RIMBP2: variants seen among roughly 807,000 people sequenced by gnomAD.
RIMBP2 encodes RIMS binding protein 2, also known as RIMS-binding protein 2.
In RIMBP2, 48 loss-of-function variants were observed where a neutral mutation model predicts 118.6. That is an observed-to-expected ratio of 0.40 (90% confidence interval 0.32 to 0.51). The LOEUF is 0.51. RIMBP2 is among the 20% of genes least tolerant of loss of function. RIMBP2 has a pLI of 0.41. For synonymous variants in RIMBP2, 762 were observed against 742.9 expected, an observed-to-expected ratio of 1.03 and a Z score of -0.42; for missense variants, 1,551 against 1,768.3, an observed-to-expected ratio of 0.88 and a Z score of 2.20.
At chr12:130,526,975 G>A (rs1331098864) in intron 2 of RIMBP2, among the ~76,000 whole-genome samples, 1 of 152,056 alleles carries the variant, frequency 6.6e-6, no homozygotes, top group Non-Finnish European at 1.5e-5. Context: ...AGGAGAGAAG[G>A]AGAAACCACA....
intron 4 of RIMBP2, among the ~76,000 whole-genome samples, chr12:130,484,088 C>T (rs1463919258): frequency 6.6e-6 from 1 of 152,216 alleles, no homozygotes; most frequent in Non-Finnish European, 1.5e-5. Flanking sequence ...TCTCCAGAGT[C>T]TGCCGGCGAC....
chr12:130,715,304 G>T (rs1177380206), intron 1 of RIMBP2, among the ~76,000 whole-genome samples: 1 of 152,024 alleles, frequency 6.6e-6, no homozygotes, highest in South Asian at 2.1e-4. Flanking sequence ...CAGCACCCCC[G>T]CCTCCCCCGG....
intron 6 of RIMBP2, among the ~76,000 whole-genome samples, chr12:130,458,087 G>A (rs1239635972): frequency 9.2e-5 from 5 of 54,450 alleles, no homozygotes; most frequent in Admixed American, 3.5e-4. Flanking sequence ...CCCCTCCTCC[G>A]CCCCTCCTCT....
Position 130,424,970 on chromosome 12 carries a change from G to C in RIMBP2, c.2413-112C>G, listed in dbSNP as rs550530310. 22 of 544,034 alleles carry C rather than the reference G, an allele frequency of 4.0e-5. No homozygotes were observed. In the South Asian group the frequency reaches 9.1e-4, roughly 23 times the overall value. The allele number at this position is 544,034 out of a possible 1,614,324, so 33.7% of individuals were successfully genotyped here. On this transcript the variant is annotated intron_variant, in intron 15 of 22. Coordinates refer to ENST00000690449, the MANE Select transcript of RIMBP2 (RefSeq NM_001393629.1). The surrounding 1 kb of genome is among the most constrained non-coding windows in gnomAD (Gnocchi z 9.8). Reference sequence around the variant, plus strand: ...ACAGAATTAGTCCTGGAGGCACCGAGGGGGGGGAAGCATGCGTCTACTCAG... The same window carrying C: ...ACAGAATTAGTCCTGGAGGCACCGACGGGGGGGAAGCATGCGTCTACTCAG...
At position 130,437,038 on chromosome 12, in the gene RIMBP2, C is replaced by G. The variant is rs267603376; in HGVS notation, c.1910G>C (p.Arg637Thr). 1.9e-6 allele frequency: 3 copies of G among 1,580,194 alleles called. No homozygotes were observed. Among genetic ancestry groups the G allele is most frequent in the Non-Finnish European group, 2.6e-6 (3 of 1,160,594 alleles). Residue 637 changes from arginine (R) to threonine (T), a missense_variant, in exon 13 of 23, where the codon AGG (arginine) becomes ACG (threonine). Arg to Thr is a moderately conservative substitution (Grantham distance 71). Transcript: ENST00000690449. ...GCTCTGCTCCCAGGCCTCATCCATC[C>G]TGGCGTGGGGACCCAGGTGCTCGTC... ...TKDEHLGPHA[R>T]MDEAWEQSRA...
At chr12:130,451,089 G>C in intron 8 of RIMBP2, 106 bp downstream of exon 8, 1 of 1,283,852 alleles carries the variant, frequency 7.8e-7, no homozygotes, top group East Asian at 2.3e-5. Flanking sequence ...CCAGAAGGAA[G>C]ACAGGGAGGA....
chr12:130,646,393 CACCACCT>C lies in RIMBP2; in HGVS notation c.-351-17944_-351-17938del, dbSNP rs1566423364. Among the ~76,000 whole-genome samples, 29 of 141,124 alleles carry C rather than the reference CACCACCT, an allele frequency of 2.1e-4. 11 individuals carry two copies. The highest frequency in any genetic ancestry group is 2.8e-4 in the Non-Finnish European group (18 of 64,028). The allele number at this position is 141,124 out of a possible 152,430, so 92.6% of individuals were successfully genotyped here. A position where few individuals can be genotyped will look rare whatever the true frequency, so the allele number is the denominator to read the frequency against. ...TCACCACCTCCCTCACCACCTCCCT[CACCACCT>C]GCCTCTCCACCTCCCTCACCACTTC... On this transcript the variant is annotated intron_variant, in intron 1 of 22. Coordinates refer to ENST00000690449, the MANE Select transcript of RIMBP2 (RefSeq NM_001393629.1).
chr12:130,700,466 T>A (rs942097945), intron 1 of RIMBP2, among the ~76,000 whole-genome samples: 1 of 152,006 alleles, frequency 6.6e-6, no homozygotes, highest in African/African-American at 2.4e-5. Context: ...AGGTAGGAAT[T>A]CAGATGGGAT....
chr12:130,562,769 G>C (rs1395385597), intron 2 of RIMBP2, among the ~76,000 whole-genome samples: 2 of 152,184 alleles, frequency 1.3e-5, no homozygotes, highest in African/African-American at 2.4e-5. Context: ...TGTTTGGCAG[G>C]AATAAATGAA....
intron 2 of RIMBP2, among the ~76,000 whole-genome samples, chr12:130,624,236 T>C (rs866546237): frequency 1.6e-4 from 25 of 152,314 alleles, no homozygotes; most frequent in African/African-American, 5.8e-4. Context: ...ACATACAAAA[T>C]TATAGGACAG....
intron 1 of RIMBP2, among the ~76,000 whole-genome samples, chr12:130,641,412 G>A (rs1318727732): frequency 1.9e-4 from 28 of 146,590 alleles, no homozygotes; most frequent in African/African-American, 6.5e-4. Context: ...CACTCGGCCC[G>A]GCATCACGGG....
intron 14 of RIMBP2, chr12:130,429,963 A>G (rs577438492): frequency 2.8e-4 from 43 of 152,348 alleles, no homozygotes; most frequent in Non-Finnish European, 5.4e-4. Context: ...GACTGCCTGC[A>G]CCACCGCACA....
At chr12:130,528,094 G>A (rs1241419685) in intron 2 of RIMBP2, among the ~76,000 whole-genome samples, 1 of 152,168 alleles carries the variant, frequency 6.6e-6, no homozygotes, top group African/African-American at 2.4e-5. Context: ...CTCATTACTG[G>A]TTATATACCC....
At chr12:130,496,972 G>A (rs930771922) in intron 4 of RIMBP2, among the ~76,000 whole-genome samples, 2 of 152,110 alleles carry the variant, frequency 1.3e-5, no homozygotes, top group African/African-American at 2.4e-5. Context: ...GTCTTCAGTC[G>A]AGGTGTGGAC....
intron 3 of RIMBP2, among the ~76,000 whole-genome samples, chr12:130,512,987 G>T (rs10848124): frequency 2.0e-5 from 3 of 151,598 alleles, no homozygotes; most frequent in Non-Finnish European, 2.9e-5. Context: ...TTTTTTACTA[G>T]GAAAAAAAAT....
chr12:130,517,665 G>A (rs774072715), intron 3 of RIMBP2, among the ~76,000 whole-genome samples, 163 bp downstream of exon 3: 19 of 152,116 alleles, frequency 1.2e-4, no homozygotes, highest in African/African-American at 2.7e-4. Context: ...GGTGCCTCAC[G>A]TGCTGGTCAT....
chr12:130,702,771 C>A (rs1461335934), intron 1 of RIMBP2, among the ~76,000 whole-genome samples: 2 of 152,102 alleles, frequency 1.3e-5, no homozygotes, highest in African/African-American at 4.8e-5. Flanking sequence ...TGATCCTGAT[C>A]GGAATCTTGG....
rs1424414692 is a variant in RIMBP2 at position 130,614,190 on chromosome 12, C to T, written c.-217+14132G>A. The stretch of plus-strand genomic sequence containing the variant: ...TGACTGGAAGCAGAAGAAATCAATG[C>T]CATTGTTCCCATTCCTTAAAGAGTA... On this transcript the variant is annotated intron_variant, in intron 2 of 22. Coordinates refer to ENST00000690449, the MANE Select transcript of RIMBP2 (RefSeq NM_001393629.1). 2.0e-5 allele frequency among the ~76,000 whole-genome samples: 3 copies of T among 152,180 alleles called. No individual in the cohort carries two copies. The East Asian group carries it at 5.8e-4, about 29-fold the overall frequency.
rs1555309980 is a variant in RIMBP2 at position 130,617,647 on chromosome 12, AAC to A, written c.-217+10673_-217+10674del. On this transcript the variant is annotated intron_variant, in intron 2 of 22. Coordinates refer to ENST00000690449, the MANE Select transcript of RIMBP2 (RefSeq NM_001393629.1). The surrounding 1 kb of genome is among the most constrained non-coding windows in gnomAD (Gnocchi z 4.6). ...TATTTCAGCTGAAGCTTCAGAAAGT[AAC>A]AGAGAGGGCCTTGGGCTGAGTGTCT... Among the ~76,000 whole-genome samples the A allele has an allele frequency of 1.3e-5, 2 of 152,196 alleles. No individual in the cohort carries two copies. Among genetic ancestry groups the A allele is most frequent in the African/African-American group, 4.8e-5 (2 of 41,456 alleles).
Sources: gnomAD v4.1 joint callset for allele counts (sites outside exome capture counted in the v4.1 genomes callset) on GRCh38, gnomAD v4.1.1 for gene constraint, Gnocchi (gnomAD v3.1) non-coding constraint, MANE v1.5 for transcripts, NCBI Gene and HGNC (gene_info 2026-07-23, HGNC 2026-07-21) for gene names.